The following CARMIL1 variants were observed in gnomAD, a reference collection of about 807,000 sequenced individuals.
CARMIL1 encodes F-actin-uncapping protein LRRC16A.
A neutral mutation model predicts 177.1 loss-of-function variants in CARMIL1; 90 were observed. The ratio of observed to expected loss-of-function variants is 0.51; its 90% CI spans 0.43 to 0.61. CARMIL1 has a LOEUF of 0.61. Ranked by LOEUF, CARMIL1 falls within the 20% of genes least tolerant of loss-of-function variation. The pLI, the probability that CARMIL1 is intolerant of heterozygous loss-of-function variation, is 0.00. For synonymous variants in CARMIL1, 577 were observed against 606.2 expected, an observed-to-expected ratio of 0.95 and a Z score of 0.71; for missense variants, 1,380 against 1,667.0, an observed-to-expected ratio of 0.83 and a Z score of 3.00.
At chr6:25,501,644 T>C (rs893654050) in intron 17 of CARMIL1, among the ~76,000 whole-genome samples, 1 of 152,198 alleles carries the variant, frequency 6.6e-6, no homozygotes, top group East Asian at 1.9e-4. Flanking sequence ...GATAATAGCA[T>C]GCACTTGGAC....
At chr6:25,616,487 T>C (rs1003783730) in intron 36 of CARMIL1, among the ~76,000 whole-genome samples, 1 of 152,098 alleles carries the variant, frequency 6.6e-6, no homozygotes, top group Non-Finnish European at 1.5e-5. Context: ...GACAGGAGGA[T>C]CACTTGAGCC....
At chr6:25,530,078 C>T (rs1403470585) in intron 24 of CARMIL1, among the ~76,000 whole-genome samples, 2 of 151,372 alleles carry the variant, frequency 1.3e-5, no homozygotes, top group East Asian at 3.9e-4. Context: ...AATAGAAAAC[C>T]ATTTCATATG....
At chr6:25,381,930 C>T (rs745394765) in intron 2 of CARMIL1, among the ~76,000 whole-genome samples, 13 of 151,986 alleles carry the variant, frequency 8.6e-5, no homozygotes, top group Non-Finnish European at 4.4e-5. Context: ...ACCACCAGCC[C>T]TCATCCTGAA....
intron 11 of CARMIL1, among the ~76,000 whole-genome samples, chr6:25,474,309 G>T (rs1801336978): frequency 6.6e-6 from 1 of 151,534 alleles, no homozygotes; most frequent in Non-Finnish European, 1.5e-5. Flanking sequence ...TAGAGATGGG[G>T]TTTCACCGTG....
At chr6:25,319,661 A>T (rs1412883711) in intron 2 of CARMIL1, among the ~76,000 whole-genome samples, 1 of 152,150 alleles carries the variant, frequency 6.6e-6, no homozygotes, top group African/African-American at 2.4e-5. Flanking sequence ...ACATTTTCAA[A>T]GGAGTAGATG....
intron 17 of CARMIL1, among the ~76,000 whole-genome samples, chr6:25,502,288 G>T (rs189266510): frequency 6.6e-6 from 1 of 151,688 alleles, no homozygotes; most frequent in South Asian, 2.1e-4. Flanking sequence ...CAGGCTGGGC[G>T]CGGTCAATGC....
intron 2 of CARMIL1, among the ~76,000 whole-genome samples, chr6:25,346,086 T>C (rs1320946213): frequency 2.6e-5 from 4 of 152,238 alleles, no homozygotes; most frequent in Non-Finnish European, 5.9e-5. Context: ...TAACTGGTCT[T>C]TCAGCTTCCA....
intron 31 of CARMIL1, among the ~76,000 whole-genome samples, chr6:25,582,215 C>T (rs1002088221): frequency 2.0e-5 from 3 of 152,152 alleles, no homozygotes; most frequent in Non-Finnish European, 2.9e-5. Context: ...TTCAGCTGTC[C>T]GTCATCTTAC....
chr6:25,594,384 T>C, intron 31 of CARMIL1, 31 bp from the exon 32 acceptor site: 1 of 1,358,568 alleles, frequency 7.4e-7, no homozygotes, highest in African/African-American at 1.4e-5. Flanking sequence ...AAGGTGCATG[T>C]GAATTAACAT....
At chr6:25,556,885 T>C in intron 29 of CARMIL1, 35 bp downstream of exon 29, 1 of 1,601,386 alleles carries the variant, frequency 6.2e-7, no homozygotes, top group South Asian at 1.1e-5. Context: ...CGTTACCCTT[T>C]TCACTGGACT....
intron 2 of CARMIL1, among the ~76,000 whole-genome samples, chr6:25,381,087 A>G (rs887061342): frequency 3.3e-5 from 5 of 152,218 alleles, no homozygotes; most frequent in African/African-American, 1.2e-4. Context: ...TCTTGATTCC[A>G]GAGGTTGTGT....
chr6:25,371,727 A>G (rs964853489), intron 2 of CARMIL1, among the ~76,000 whole-genome samples: 2 of 151,892 alleles, frequency 1.3e-5, no homozygotes, highest in Non-Finnish European at 2.9e-5. Flanking sequence ...GTTTACTCTG[A>G]TGGTGATTTG....
chr6:25,460,626 T>C (rs1800040983), intron 8 of CARMIL1, among the ~76,000 whole-genome samples: 2 of 152,348 alleles, frequency 1.3e-5, no homozygotes, highest in Admixed American at 6.5e-5. Flanking sequence ...GCAGCCAGGC[T>C]GAGAGGTATT....
At chr6:25,462,509 A>G (rs1259276735) in intron 8 of CARMIL1, among the ~76,000 whole-genome samples, 1 of 152,140 alleles carries the variant, frequency 6.6e-6, no homozygotes, top group East Asian at 1.9e-4. Flanking sequence ...TCATTTTTGC[A>G]TCAGGCCCAG....
At position 25,426,539 on chromosome 6, in the gene CARMIL1, C is replaced by T. The variant is rs138172530; in HGVS notation, c.228C>T (p.Val76=). 2.8e-4 allele frequency: 445 copies of T among 1,611,988 alleles called. 2 individuals carry two copies. In the African/African-American group the frequency reaches 4.4e-3, roughly 16 times the overall value. The change falls in exon 4 of 37, where the codon GTC becomes GTT. Residue 76 remains valine (V), a synonymous_variant. Transcript: ENST00000329474. ...TCAGCTACTTGGAGATTCATGGCGT[C>T]GTTTGCAGCAAGTCAGCTCAGGTGA... is the stretch of plus-strand genomic sequence containing the variant. ...LTFSYLEIHG[V]VCSKSAQMIV...
chr6:25,495,538 CGTGTGTGT>C (rs144132253), intron 16 of CARMIL1, among the ~76,000 whole-genome samples: 1,593 of 144,970 alleles, frequency 0.011, 24 homozygotes, highest in African/African-American at 0.029. Flanking sequence ...TTCGTTTGTT[CGTGTGTGT>C]GTGTGTGTGT....
chr6:25,280,431 C>T (rs1454398867), intron 1 of CARMIL1, among the ~76,000 whole-genome samples: 1 of 152,074 alleles, frequency 6.6e-6, no homozygotes, highest in Admixed American at 6.5e-5. Context: ...GAAAGGGTTA[C>T]AGGGCTGACG....
At position 25,600,667 on chromosome 6, in the gene CARMIL1, A is replaced by G. The variant is rs766768500; in HGVS notation, c.3473A>G (p.Tyr1158Cys). 14 of 1,611,356 alleles carry G rather than the reference A, an allele frequency of 8.7e-6. 1 individual carries two copies. Among genetic ancestry groups the G allele is most frequent in the Non-Finnish European group, 8.5e-7 (1 of 1,178,716 alleles). The stretch of plus-strand genomic sequence containing the variant: ...AGCAGCCCACAGGCAGGGCGGAGGT[A>G]TGGGGTCCAGGTGATGGGCAGTGGT... ...SKSSPQAGRR[Y>C]GVQVMGSGLL... Residue 1158 changes from tyrosine (Y) to cysteine (C), a missense_variant, in exon 33 of 37, where the codon TAT becomes TGT. Coordinates refer to ENST00000329474, the MANE Select transcript of CARMIL1 (RefSeq NM_017640.6).
At chr6:25,425,371 A>G (rs141030248) in intron 3 of CARMIL1, among the ~76,000 whole-genome samples, 40 of 152,264 alleles carry the variant, frequency 2.6e-4, no homozygotes, top group Non-Finnish European at 4.6e-4. Flanking sequence ...TAATAACTTC[A>G]TCAGTATACT....
Sources: allele counts gnomAD v4.1 joint callset (sites outside exome capture counted in the v4.1 genomes callset), GRCh38; gene constraint gnomAD v4.1.1; transcripts MANE v1.5; gene names NCBI Gene and HGNC (gene_info 2026-07-23, HGNC 2026-07-21).